The following GLIS1 variants were observed in gnomAD, a reference collection of about 807,000 sequenced individuals.
GLIS1 encodes zinc finger protein GLIS1.
Under a neutral mutation model 63.8 loss-of-function variants are expected in GLIS1, and 24 were observed. The ratio of observed to expected loss-of-function variants is 0.38; its 90% confidence interval spans 0.27 to 0.53. The LOEUF is 0.53. Ranked by LOEUF, GLIS1 falls within the 20% of genes least tolerant of loss-of-function variation. The probability of loss-of-function intolerance (pLI) is 0.85; values close to 1 mark genes in which losing one functional copy is unlikely to be tolerated. For missense variants in GLIS1, 1,036 were observed against 1,074.1 expected, an observed-to-expected ratio of 0.96 and a Z score of 0.50; for synonymous variants, 450 against 482.5, an observed-to-expected ratio of 0.93 and a Z score of 0.88.
chr1:53,735,409 G>A (rs1646903131), intron 2 of GLIS1, among the ~76,000 whole-genome samples: 1 of 152,192 alleles, frequency 6.6e-6, no homozygotes. Flanking sequence ...TGCAAGGTAG[G>A]CACCATTACC....
At position 53,737,939 on chromosome 1, in the gene GLIS1, G is replaced by C; in HGVS notation, c.126C>G (p.Gly42=). The change falls in exon 2 of 11, where the codon GGC becomes GGG. Residue 42 remains glycine (G), a synonymous_variant. Transcript: ENST00000628545. ...AHMAFRVTVS[G]GGCGDRGPRD... is the part of the protein sequence containing the mutation. ...GCGGGCCCCTGTCCCCGCAGCCGCC[G>C]CCACTCACGGTGACCCTGAAGGCCA... 8.1e-7 allele frequency: 1 copy of C among 1,230,022 alleles called. No individual in the cohort carries two copies. Among genetic ancestry groups the C allele is most frequent in the Non-Finnish European group, 1.0e-6 (1 of 986,786 alleles). 76.2% of individuals were successfully genotyped at this position (1,230,022 alleles called of 1,614,324 possible).
Position 53,737,981 on chromosome 1 carries a change from G to A in GLIS1, c.84C>T (p.Ala28=). 1 of 1,230,378 alleles carries A rather than the reference G, an allele frequency of 8.1e-7. No individual in the cohort carries two copies. The highest frequency in any genetic ancestry group is 1.0e-6 in the Non-Finnish European group (1 of 987,054). 76.2% of individuals were successfully genotyped at this position (1,230,378 alleles called of 1,614,324 possible). The change falls in exon 2 of 11, where the codon GCC becomes GCT. Residue 28 remains alanine, a synonymous_variant. Coordinates refer to ENST00000628545, the MANE Select transcript of GLIS1 (RefSeq NM_001367484.1). ...TGAAGGCCATGTGCGCGCCGAGGCT[G>A]GCGGGGCCGCGGTCGGGGCCGGGCG... is the stretch of plus-strand genomic sequence containing the variant. ...PGAPGPDRGP[A]SLGAHMAFRV... is the part of the protein sequence containing the mutation.
At chr1:53,519,743 G>T (rs955655711) in intron 7 of GLIS1, among the ~76,000 whole-genome samples, 1 of 152,206 alleles carries the variant, frequency 6.6e-6, no homozygotes, top group Admixed American at 6.5e-5. Context: ...AGTCCCAGGG[G>T]CTCTGGGGGC....
chr1:53,615,721 T>A (rs1645474475), intron 2 of GLIS1, among the ~76,000 whole-genome samples: 1 of 142,878 alleles, frequency 7.0e-6, no homozygotes, highest in Admixed American at 6.8e-5. Context: ...TATGATTTTA[T>A]TTATTTATTT....
intron 2 of GLIS1, among the ~76,000 whole-genome samples, chr1:53,604,307 G>T (rs1408635515): frequency 6.6e-6 from 1 of 152,236 alleles, no homozygotes. Flanking sequence ...ATGCAGGATG[G>T]CGTAGCCTAA....
intron 2 of GLIS1, among the ~76,000 whole-genome samples, chr1:53,633,497 G>A (rs556630928): frequency 7.3e-5 from 11 of 151,066 alleles, no homozygotes; most frequent in Admixed American, 1.3e-4. Flanking sequence ...GAGTGTGGCT[G>A]AGGGGTGTGA....
chr1:53,552,556 C>T (rs951489267), intron 4 of GLIS1, among the ~76,000 whole-genome samples: 18 of 152,194 alleles, frequency 1.2e-4, no homozygotes, highest in Non-Finnish European at 2.9e-5. Context: ...TCTGGTTTTC[C>T]TCTGGGGTGA....
At chr1:53,730,158 G>A (rs1022658142) in intron 2 of GLIS1, among the ~76,000 whole-genome samples, 2 of 152,034 alleles carry the variant, frequency 1.3e-5, no homozygotes, top group Admixed American at 6.6e-5. Context: ...TCTTTAAACC[G>A]TCGTCTTGGG....
Position 53,590,287 on chromosome 1 carries a change from G to C in GLIS1, c.1320+3821C>G, listed in dbSNP as rs114874015. 2.5e-3 allele frequency among the ~76,000 whole-genome samples: 387 copies of C among 152,264 alleles called. 2 individuals carry two copies. Among genetic ancestry groups the C allele is most frequent in the African/African-American group, 8.3e-3 (346 of 41,542 alleles). On this transcript the variant is annotated intron_variant, in intron 4 of 10. Transcript: ENST00000628545. ...GCACGAGGTCACACAGCTGCCAAGT[G>C]ACTAAACCAGGCTGGGTCCCAGGTC...
chr1:53,556,211 C>A, intron 4 of GLIS1, among the ~76,000 whole-genome samples: 1 of 100,792 alleles, frequency 9.9e-6, no homozygotes, highest in Non-Finnish European at 1.9e-5. Flanking sequence ...AGGTGTATTG[C>A]AGGTGTGTGT....
intron 4 of GLIS1, among the ~76,000 whole-genome samples, chr1:53,593,880 T>G (rs1197579951): frequency 1.3e-5 from 2 of 152,316 alleles, no homozygotes; most frequent in African/African-American, 4.8e-5. Flanking sequence ...GGTGGGGGAC[T>G]GGGCACCTAG....
chr1:53,557,508 T>C (rs1396164588), intron 4 of GLIS1, among the ~76,000 whole-genome samples: 1 of 152,146 alleles, frequency 6.6e-6, no homozygotes, highest in African/African-American at 2.4e-5. Flanking sequence ...AGAAAGCCTC[T>C]TGGAGGTCTG....
intron 4 of GLIS1, among the ~76,000 whole-genome samples, chr1:53,562,476 C>G (rs1644901597): frequency 6.6e-6 from 1 of 152,112 alleles, no homozygotes; most frequent in African/African-American, 2.4e-5. Flanking sequence ...CCACAGCTCA[C>G]CCACCTGCTC....
chr1:53,717,997 A>T (rs1445779614), intron 2 of GLIS1, among the ~76,000 whole-genome samples: 1 of 152,254 alleles, frequency 6.6e-6, no homozygotes, highest in Non-Finnish European at 1.5e-5. Context: ...TCCACTCTGG[A>T]ACAGGTGACA....
At chr1:53,631,305 C>G (rs1439173467) in intron 2 of GLIS1, among the ~76,000 whole-genome samples, 1 of 152,120 alleles carries the variant, frequency 6.6e-6, no homozygotes, top group African/African-American at 2.4e-5. Context: ...ATATATTTTG[C>G]AAGATAATGT....
chr1:53,734,013 T>C, intron 2 of GLIS1: 1 of 984,772 alleles, frequency 1.0e-6, no homozygotes, highest in Non-Finnish European at 1.2e-6. Flanking sequence ...CATCATGACT[T>C]ACTGTCCACC....
intron 2 of GLIS1, among the ~76,000 whole-genome samples, chr1:53,623,236 G>A (rs1645564156): frequency 6.6e-6 from 1 of 152,132 alleles, no homozygotes; most frequent in African/African-American, 2.4e-5. Context: ...ATGACCAAGT[G>A]AGGTTTAGAG....
At chr1:53,535,994 A>G (rs761731580) in intron 4 of GLIS1, among the ~76,000 whole-genome samples, 2 of 151,862 alleles carry the variant, frequency 1.3e-5, no homozygotes, top group Non-Finnish European at 2.9e-5. Context: ...GCTGGCCTCC[A>G]CGCTTCCCGA....
chr1:53,711,928 C>A (rs915252965), intron 2 of GLIS1, among the ~76,000 whole-genome samples: 2 of 152,190 alleles, frequency 1.3e-5, no homozygotes, highest in African/African-American at 2.4e-5. Flanking sequence ...TCCCTACAGG[C>A]CTTCGCTAGC....
Sources: allele counts gnomAD v4.1 joint callset (sites outside exome capture counted in the v4.1 genomes callset), GRCh38; gene constraint gnomAD v4.1.1; transcripts MANE v1.5; gene names NCBI Gene and HGNC (gene_info 2026-07-23, HGNC 2026-07-21).